The following REV3L variants were observed in gnomAD, a reference collection of about 807,000 sequenced individuals.
REV3L encodes the protein REV3 like, DNA directed polymerase zeta catalytic subunit, also known as DNA polymerase zeta catalytic subunit.
Under a neutral mutation model 299.4 loss-of-function variants are expected in REV3L, and 69 were observed. The ratio of observed to expected loss-of-function variants is 0.23; its 90% CI spans 0.19 to 0.28. The LOEUF is 0.28. Among genes scored for constraint, REV3L ranks in the 10% least tolerant of loss-of-function variants. REV3L has a pLI of 1.00. For missense variants in REV3L, 3,128 were observed against 3,693.8 expected (o/e 0.85, Z 3.97); for synonymous variants, 1,238 against 1,271.4 (o/e 0.97, Z 0.56).
intron 24 of REV3L, among the ~76,000 whole-genome samples, chr6:111,330,614 G>T (rs1425356298): frequency 6.6e-6 from 1 of 152,082 alleles, no homozygotes; most frequent in Non-Finnish European, 1.5e-5. Flanking sequence ...GTTAAAGGGA[G>T]ATAATAAGCT....
intron 1 of REV3L, among the ~76,000 whole-genome samples, chr6:111,452,197 A>C (rs538570464): frequency 6.6e-6 from 1 of 152,308 alleles, no homozygotes; most frequent in South Asian, 2.1e-4. Flanking sequence ...ATTTTAAAAG[A>C]CTAAATATAA....
chr6:111,316,721 GA>G (rs1472079510), intron 26 of REV3L, among the ~76,000 whole-genome samples: 2 of 150,726 alleles, frequency 1.3e-5, no homozygotes, highest in African/African-American at 4.9e-5. Flanking sequence ...TATGTTAACT[GA>G]AAAATAGTTA....
chr6:111,306,887 C>A (rs1772370372), intron 31 of REV3L, among the ~76,000 whole-genome samples: 2 of 152,072 alleles, frequency 1.3e-5, no homozygotes, highest in South Asian at 4.1e-4. Context: ...ACGCTTAAGA[C>A]CAGAAGTGTT....
chr6:111,386,958 G>A (rs892983200), intron 9 of REV3L, among the ~76,000 whole-genome samples: 2 of 152,052 alleles, frequency 1.3e-5, no homozygotes, highest in African/African-American at 2.4e-5. Context: ...CTGACCTCAG[G>A]TGATCCGCCT....
rs189138095 is a variant in REV3L, at chr6:111,469,685, C to T, written c.139+13065G>A. On this transcript the variant is annotated intron_variant, in intron 1 of 31. Transcript: ENST00000368802. Reference sequence around the variant, plus strand: ...CTAGCCTGCGGGAGACACATGGCCCCCATCACCCAAGCAAACAACCAGTAC... The same window carrying T: ...CTAGCCTGCGGGAGACACATGGCCCTCATCACCCAAGCAAACAACCAGTAC... Among the ~76,000 whole-genome samples, 187 of 152,260 alleles carry T rather than the reference C, an allele frequency of 1.2e-3. 1 individual carries two copies. Among genetic ancestry groups the T allele is most frequent in the African/African-American group, 4.1e-3 (172 of 41,528 alleles).
intron 26 of REV3L, among the ~76,000 whole-genome samples, chr6:111,319,629 C>T (rs1773915496): frequency 6.6e-6 from 1 of 152,114 alleles, no homozygotes; most frequent in Non-Finnish European, 1.5e-5. Context: ...ACTTATTGTA[C>T]ATTTAAAAAT....
At chr6:111,347,731 G>A (rs1371858246) in intron 20 of REV3L, among the ~76,000 whole-genome samples, 2 of 152,088 alleles carry the variant, frequency 1.3e-5, no homozygotes, top group African/African-American at 4.8e-5. Context: ...TGTCACCCAG[G>A]CTGGAGTGTG....
intron 2 of REV3L, among the ~76,000 whole-genome samples, chr6:111,412,562 A>G (rs1490178401): frequency 1.3e-5 from 2 of 152,146 alleles, no homozygotes; most frequent in African/African-American, 2.4e-5. Context: ...GATAAACCCA[A>G]TCACTCTTTA....
chr6:111,453,722 G>A (rs879497039), intron 1 of REV3L, among the ~76,000 whole-genome samples: 5 of 152,102 alleles, frequency 3.3e-5, no homozygotes, highest in African/African-American at 4.8e-5. Flanking sequence ...GGTGGCTCAC[G>A]TCTATAATCC....
At chr6:111,361,295 A>T (rs1778626508) in intron 16 of REV3L, 1 of 152,126 alleles carries the variant, frequency 6.6e-6, no homozygotes, top group Non-Finnish European at 1.5e-5. Context: ...GAGGCAGGAG[A>T]ACTGCTTGAA....
Position 111,333,282 on chromosome 6 carries a change from A to G in REV3L, c.7766T>C (p.Met2589Thr). 6.2e-7 allele frequency: 1 copy of G among 1,614,122 alleles called. No individual in the cohort carries two copies. Among genetic ancestry groups the G allele is most frequent in the East Asian group, 2.2e-5 (1 of 44,850 alleles). Reference protein sequence around the residue: ...VTPSVQQRSQMRAPQCVPLIM... With the variant: ...VTPSVQQRSQTRAPQCVPLIM... ...TAGAGGAACACACTGTGGGGCTCTC[A>G]TCTGGGATCTTTGCTGAACACTAGG... The change falls in exon 23 of 32, where the codon ATG becomes ACG. Residue 2589 changes from methionine (M) to threonine (T), a missense_variant. Physicochemically the swap from Met to Thr is moderately conservative, Grantham distance 81 (BLOSUM62 -1). Transcript: ENST00000368802.
chr6:111,331,992 T>C (rs1775432206), intron 23 of REV3L, among the ~76,000 whole-genome samples: 1 of 152,216 alleles, frequency 6.6e-6, no homozygotes, highest in Admixed American at 6.5e-5. Context: ...ATTTCTTAAA[T>C]GGCACTATCC....
At chr6:111,426,896 G>A (rs762477521) in intron 1 of REV3L, among the ~76,000 whole-genome samples, 5 of 152,024 alleles carry the variant, frequency 3.3e-5, no homozygotes, top group South Asian at 2.1e-4. Context: ...CAGACTAAAC[G>A]TCATAAAAAT....
intron 6 of REV3L, among the ~76,000 whole-genome samples, chr6:111,389,627 T>C (rs144761590): frequency 3.9e-5 from 6 of 152,038 alleles, no homozygotes; most frequent in East Asian, 3.9e-4. Flanking sequence ...ATCAGAAGTA[T>C]AGAAGCAATC....
intron 26 of REV3L, 31 bp downstream of exon 26, chr6:111,322,538 A>G (rs1774298295): frequency 6.6e-7 from 1 of 1,515,228 alleles, no homozygotes; most frequent in Non-Finnish European, 9.2e-7. Flanking sequence ...GAGAGATGCA[A>G]AAGACAACTA....
chr6:111,462,585 T>C (rs1208777838), intron 1 of REV3L, among the ~76,000 whole-genome samples: 1 of 152,128 alleles, frequency 6.6e-6, no homozygotes, highest in South Asian at 2.1e-4. Flanking sequence ...TCACTAGTGA[T>C]GAAAAATGTA....
At chr6:111,379,871 A>G in intron 11 of REV3L, 111 bp downstream of exon 11, 2 of 733,730 alleles carry the variant, frequency 2.7e-6, no homozygotes, top group East Asian at 5.0e-5. Flanking sequence ...TTAAAACATC[A>G]ATTTAGTTCA....
chr6:111,347,802 CAGCCT>C (rs1210744083), intron 20 of REV3L, among the ~76,000 whole-genome samples: 1 of 152,156 alleles, frequency 6.6e-6, no homozygotes, highest in Non-Finnish European at 1.5e-5. Context: ...CAGTGCACTG[CAGCCT>C]TGAATTCCTG....
chr6:111,300,199 T>C, intron 31 of REV3L, 43 bp from the exon 32 acceptor site: 3 of 1,497,438 alleles, frequency 2.0e-6, no homozygotes, highest in Non-Finnish European at 2.7e-6. Context: ...GGAAAGTTTT[T>C]ATGCGTGTAT....
Sources: allele counts gnomAD v4.1 joint callset (sites outside exome capture counted in the v4.1 genomes callset), GRCh38; gene constraint gnomAD v4.1.1; transcripts MANE v1.5; gene names NCBI Gene and HGNC (gene_info 2026-07-23, HGNC 2026-07-21).